Variants in PLCE1 observed in about 807,000 individuals in gnomAD.
PLCE1 encodes the protein phospholipase C epsilon 1.
A neutral mutation model predicts 242.8 loss-of-function variants in PLCE1; 119 were observed. That is an observed-to-expected ratio of 0.49 (90% CI 0.42 to 0.57). The LOEUF is 0.57. Ranked by LOEUF, PLCE1 falls within the 20% of genes least tolerant of loss-of-function variation. The pLI is 0.00. For synonymous variants in PLCE1, 945 were observed against 1,017.4 expected, an observed-to-expected ratio of 0.93 and a Z score of 1.35; for missense variants, 2,441 against 2,788.8, an observed-to-expected ratio of 0.88 and a Z score of 2.81.
intron 4 of PLCE1, among the ~76,000 whole-genome samples, chr10:94,225,637 GAAGAAAGA>G (rs1000449140): frequency 1.3e-5 from 2 of 152,132 alleles, no homozygotes; most frequent in Non-Finnish European, 2.9e-5. Flanking sequence ...TCTAAAAAAG[GAAGAAAGA>G]AAGAAAGAAA....
Position 94,246,296 on chromosome 10 carries a change from G to T in PLCE1, c.2771G>T (p.Gly924Val), listed in dbSNP as rs879061152. Residue 924 changes from glycine (G) to valine (V), a missense_variant, in exon 8 of 33, where the codon GGT (glycine) becomes GTT (valine). Gly to Val is a moderately radical substitution (Grantham distance 109). Coordinates refer to ENST00000371380, the MANE Select transcript of PLCE1 (RefSeq NM_016341.4). ...GAGCCTGGAAAATTCCCACTACTGG[G>T]TAATGCTGGATTAAGTAGCCTGACG... The part of the protein sequence containing the change: ...TAEPGKFPLL[G>V]NAGLSSLTEG... 1.2e-6 allele frequency: 2 copies of T among 1,614,174 alleles called. No individual in the cohort carries two copies. Among genetic ancestry groups the T allele is most frequent in the South Asian group, 2.2e-5 (2 of 91,082 alleles).
intron 4 of PLCE1, among the ~76,000 whole-genome samples, chr10:94,182,944 G>A (rs2048357965): frequency 1.3e-5 from 2 of 152,196 alleles, no homozygotes; most frequent in African/African-American, 4.8e-5. Flanking sequence ...TGACCTATGT[G>A]AGCAGTGTTA....
intron 16 of PLCE1, among the ~76,000 whole-genome samples, chr10:94,267,169 C>T (rs56413348): frequency 0.069 from 10,508 of 152,190 alleles, 652 homozygotes; most frequent in African/African-American, 0.17. Context: ...TTTGTAGGTA[C>T]ACACATATAC....
At chr10:94,171,918 G>T (rs2047993440) in intron 4 of PLCE1, among the ~76,000 whole-genome samples, 1 of 152,054 alleles carries the variant, frequency 6.6e-6, no homozygotes, top group South Asian at 2.1e-4. Flanking sequence ...TCCATTATTA[G>T]GACTCCCTCA....
chr10:94,212,140 G>C (rs1347807604), intron 4 of PLCE1, among the ~76,000 whole-genome samples: 1 of 152,210 alleles, frequency 6.6e-6, no homozygotes, highest in African/African-American at 2.4e-5. Flanking sequence ...GAGTGCAAGT[G>C]CAGTGGCGTG....
chr10:94,218,669 T>C (rs2049611101), intron 4 of PLCE1, among the ~76,000 whole-genome samples: 1 of 151,964 alleles, frequency 6.6e-6, no homozygotes, highest in South Asian at 2.1e-4. Flanking sequence ...CCCACCCTCA[T>C]GCCTAGCATA....
intron 6 of PLCE1, among the ~76,000 whole-genome samples, chr10:94,234,736 TG>T (rs542694145): frequency 3.3e-5 from 5 of 152,226 alleles, no homozygotes; most frequent in African/African-American, 1.2e-4. Context: ...GGGAAAATGC[TG>T]GGGAGCCTGG....
intron 2 of PLCE1, among the ~76,000 whole-genome samples, chr10:94,059,331 G>A (rs1448778849): frequency 6.6e-6 from 1 of 152,190 alleles, no homozygotes; most frequent in Non-Finnish European, 1.5e-5. Flanking sequence ...AACATGGTGG[G>A]AAGAGATGGA....
chr10:94,129,212 A>G (rs1313011572), intron 2 of PLCE1, among the ~76,000 whole-genome samples: 1 of 152,234 alleles, frequency 6.6e-6, no homozygotes, highest in East Asian at 1.9e-4. Context: ...ATGATTGCCT[A>G]TTTCAGAGAT....
intron 22 of PLCE1, among the ~76,000 whole-genome samples, chr10:94,292,552 A>G (rs2052677495): frequency 6.6e-6 from 1 of 152,212 alleles, no homozygotes; most frequent in Non-Finnish European, 1.5e-5. Context: ...CCACTTACAG[A>G]TGAGGAGGGA....
At position 94,031,024 on chromosome 10, in the gene PLCE1, C is replaced by T; in HGVS notation, c.-23C>T. 1.2e-6 allele frequency: 2 copies of T among 1,612,744 alleles called. No individual in the cohort carries two copies. The highest frequency in any genetic ancestry group is 4.5e-5 in the East Asian group (2 of 44,836). On this transcript the variant is annotated 5_prime_UTR_variant, in exon 2 of 33. Coordinates refer to ENST00000371380, the MANE Select transcript of PLCE1 (RefSeq NM_016341.4). ...CAGGGAGGAAAAATAGAGCAATAGT[C>T]AAAACCTGTGTGTTAGTCCAAGATG...
intron 32 of PLCE1, among the ~76,000 whole-genome samples, chr10:94,326,867 C>G (rs1054482238): frequency 6.6e-6 from 1 of 152,126 alleles, no homozygotes; most frequent in African/African-American, 2.4e-5. Context: ...TTGCTTAAAG[C>G]TGGGGAGGCC....
At chr10:94,294,870 C>G (rs1049008887) in intron 23 of PLCE1, among the ~76,000 whole-genome samples, 2 of 148,474 alleles carry the variant, frequency 1.3e-5, no homozygotes, top group African/African-American at 4.9e-5. Flanking sequence ...TTCTCTGTAT[C>G]ATGCAATGCT....
At chr10:94,309,771 A>T (rs1242556978) in intron 27 of PLCE1, among the ~76,000 whole-genome samples, 1 of 152,218 alleles carries the variant, frequency 6.6e-6, no homozygotes, top group Non-Finnish European at 1.5e-5. Context: ...GCAGCGGCTC[A>T]TGCCTCTAAT....
At chr10:94,308,858 T>C (rs1237150526) in intron 27 of PLCE1, among the ~76,000 whole-genome samples, 159 bp downstream of exon 27, 1 of 152,228 alleles carries the variant, frequency 6.6e-6, no homozygotes, top group Non-Finnish European at 1.5e-5. Flanking sequence ...CTAAGCACTT[T>C]ACGTATATAC....
Position 94,328,958 on chromosome 10 carries a change from T to C in PLCE1, c.*1015T>C, listed in dbSNP as rs1488497479. 6.6e-6 allele frequency: 1 copy of C among 152,216 alleles called. No homozygotes were observed. The highest frequency in any genetic ancestry group is 1.5e-5 in the Non-Finnish European group (1 of 68,028). 9.4% of individuals were successfully genotyped at this position (152,216 alleles called of 1,614,324 possible). Reference sequence around the variant, plus strand: ...ACCTAACAATTTTTTAAAGCAAAAGTAGATTGAGTTGGCGTTTAAATTTAT... The same window carrying C: ...ACCTAACAATTTTTTAAAGCAAAAGCAGATTGAGTTGGCGTTTAAATTTAT... On this transcript the variant is annotated 3_prime_UTR_variant, in exon 33 of 33. Coordinates refer to ENST00000371380, the MANE Select transcript of PLCE1 (RefSeq NM_016341.4).
intron 4 of PLCE1, among the ~76,000 whole-genome samples, chr10:94,187,146 A>T (rs1030353563): frequency 6.9e-6 from 1 of 145,410 alleles, no homozygotes; most frequent in Non-Finnish European, 1.5e-5. Context: ...TGAAACATAT[A>T]TGTGTGTGTG....
intron 2 of PLCE1, among the ~76,000 whole-genome samples, chr10:94,069,309 C>T (rs994945959): frequency 3.9e-5 from 6 of 152,148 alleles, no homozygotes; most frequent in Admixed American, 2.0e-4. Flanking sequence ...AGCAGAAACT[C>T]TACCGAGGGA....
At chr10:94,020,037 T>C (rs1453925625) in intron 1 of PLCE1, among the ~76,000 whole-genome samples, 6 of 152,212 alleles carry the variant, frequency 3.9e-5, no homozygotes. Context: ...AATTTTTGGA[T>C]TGTAAAATGT....
Sources: gnomAD v4.1 joint callset for allele counts (sites outside exome capture counted in the v4.1 genomes callset) on GRCh38, gnomAD v4.1.1 for gene constraint, MANE v1.5 for transcripts, NCBI Gene and HGNC (gene_info 2026-07-23, HGNC 2026-07-21) for gene names.